NECAB2: variants seen among roughly 807,000 people sequenced by gnomAD.
NECAB2 encodes N-terminal EF-hand calcium binding protein 2.
A neutral mutation model predicts 51.9 loss-of-function variants in NECAB2; 68 were observed. The ratio of observed to expected loss-of-function variants is 1.31; its 90% CI spans 1.08 to 1.60. The LOEUF (loss-of-function observed/expected upper bound fraction) is 1.60. NECAB2 is among the 40% of genes most tolerant of loss of function. NECAB2 has a pLI of 0.00. For synonymous variants in NECAB2, 329 were observed against 203.5 expected (o/e 1.62, Z -5.25); for missense variants, 854 against 490.3 (o/e 1.74, Z -7.00).
At chr16:83,967,391 G>A (rs2084293113), upstream of NECAB2, among the ~76,000 whole-genome samples, 6 of 131,910 alleles carry the variant, frequency 4.5e-5, no homozygotes, top group South Asian at 5.1e-4. Flanking sequence ...GGATGGGTGG[G>A]TGGGTGGACA....
chr16:83,998,286 C>G lies in NECAB2; in HGVS notation c.931C>G (p.Arg311Gly). Reference sequence around the variant, plus strand: ...TCTGGACTCTCTGCGCCAGTATCTGCGGGGGACCACTGGCGTGAGGAACTG... The same window carrying G: ...TCTGGACTCTCTGCGCCAGTATCTGGGGGGGACCACTGGCGTGAGGAACTG... ...EFLDSLRQYL[R>G]GTTGVRNCFH... Residue 311 changes from arginine (R) to glycine (G), a missense_variant, in exon 10 of 13, where the codon CGG becomes GGG. Physicochemically the swap from Arg to Gly is moderately radical, Grantham distance 125. Coordinates refer to ENST00000305202, the MANE Select transcript of NECAB2 (RefSeq NM_019065.3). The G allele has an allele frequency of 1.9e-6, 3 of 1,613,436 alleles. No homozygotes were observed. Among genetic ancestry groups the G allele is most frequent in the Non-Finnish European group, 2.5e-6 (3 of 1,180,000 alleles).
chr16:83,994,189 G>A (rs1042155053), intron 6 of NECAB2, 113 bp from the exon 7 acceptor site: 165 of 936,128 alleles, frequency 1.8e-4, no homozygotes, highest in Non-Finnish European at 8.3e-5. Context: ...TGCAAGTTCT[G>A]TGCATGTGTG....
chr16:83,998,627 C>T (rs1333896459), intron 10 of NECAB2, among the ~76,000 whole-genome samples: 1 of 152,182 alleles, frequency 6.6e-6, no homozygotes, highest in African/African-American at 2.4e-5. Context: ...GTGTGAAGGG[C>T]TCCAGCTGGG....
intron 5 of NECAB2, among the ~76,000 whole-genome samples, chr16:83,986,014 T>C (rs1217202712): frequency 1.3e-5 from 2 of 152,186 alleles, no homozygotes; most frequent in Non-Finnish European, 2.9e-5. Flanking sequence ...TATTTTTTCT[T>C]GTTTCTTTTT....
intron 5 of NECAB2, among the ~76,000 whole-genome samples, chr16:83,981,383 G>A (rs1233422268): frequency 6.6e-6 from 1 of 151,058 alleles, no homozygotes; most frequent in Admixed American, 6.6e-5. Flanking sequence ...CTTAGAAAGG[G>A]TGGCCGCAAT....
In NECAB2 at chr16:84,002,264, A is replaced by G. The variant is rs1024112242; in HGVS notation, c.1133-54A>G. 1.9e-6 allele frequency: 3 copies of G among 1,596,230 alleles called. No individual in the cohort carries two copies. In the African/African-American group the frequency reaches 4.0e-5, roughly 22 times the overall value. Reference sequence around the variant, plus strand: ...TCATTCAAGACGACCACCACCAGCTACGAGGCTGCCCACATTCGCACTCCT... The same window carrying G: ...TCATTCAAGACGACCACCACCAGCTGCGAGGCTGCCCACATTCGCACTCCT... On this transcript the variant is annotated intron_variant, in intron 12 of 12. Coordinates refer to ENST00000305202, the MANE Select transcript of NECAB2 (RefSeq NM_019065.3).
chr16:83,996,838 G>A (rs182376386), intron 8 of NECAB2, among the ~76,000 whole-genome samples: 3 of 152,292 alleles, frequency 2.0e-5, no homozygotes, highest in East Asian at 1.9e-4. Flanking sequence ...CTAGCTTAGA[G>A]TCTGGGGAAG....
At chr16:83,984,587 G>C (rs1287631296) in intron 5 of NECAB2, among the ~76,000 whole-genome samples, 1 of 151,966 alleles carries the variant, frequency 6.6e-6, no homozygotes, top group Admixed American at 6.6e-5. Flanking sequence ...AAAATTAGCC[G>C]AGCATGGTGG....
chr16:83,993,619 G>GGT (rs1567674929), intron 6 of NECAB2: 3 of 133,258 alleles, frequency 2.3e-5, no homozygotes, highest in East Asian at 4.5e-4. Flanking sequence ...TGCAAGGTGA[G>GGT]CTGTGTGTGT....
At chr16:83,993,739 G>GGA (rs2084656427) in intron 6 of NECAB2, 2 of 161,374 alleles carry the variant, frequency 1.2e-5, no homozygotes, top group South Asian at 3.2e-4. Context: ...AGTATGCACA[G>GGA]GAGAGGGGTG....
At chr16:83,994,750 G>T in intron 8 of NECAB2, 62 bp downstream of exon 8, 5 of 1,578,910 alleles carry the variant, frequency 3.2e-6, no homozygotes, top group Non-Finnish European at 4.3e-6. Context: ...GCAGAGTTAA[G>T]CCTGGAGTTC....
At chr16:83,997,333 C>T in intron 9 of NECAB2, 64 bp downstream of exon 9, 3 of 1,603,350 alleles carry the variant, frequency 1.9e-6, no homozygotes, top group South Asian at 1.1e-5. Flanking sequence ...CTGCCAAGAT[C>T]CAAGTGGCTC....
At chr16:83,977,819 G>A (rs1006214098) in intron 2 of NECAB2, among the ~76,000 whole-genome samples, 2 of 152,216 alleles carry the variant, frequency 1.3e-5, no homozygotes, top group African/African-American at 4.8e-5. Context: ...GGGCGGAGAA[G>A]AAAGGGTTCT....
chr16:83,968,997 G>A, intron 1 of NECAB2, 148 bp downstream of exon 1: 1 of 356,866 alleles, frequency 2.8e-6, no homozygotes, highest in Non-Finnish European at 4.1e-6. Context: ...GCCGGAGCGG[G>A]AGCCCCCAGC....
chr16:83,981,429 C>T (rs113826238), intron 5 of NECAB2, among the ~76,000 whole-genome samples: 1,553 of 131,134 alleles, frequency 0.012, 23 homozygotes, highest in African/African-American at 0.041. Context: ...AGACAGGTGT[C>T]GTACCCTTCA....
At chr16:83,970,344 G>A (rs1430926369) in intron 1 of NECAB2, among the ~76,000 whole-genome samples, 1 of 152,156 alleles carries the variant, frequency 6.6e-6, no homozygotes, top group East Asian at 1.9e-4. Context: ...AGGGGGATCT[G>A]GGACACCCAG....
intron 5 of NECAB2, among the ~76,000 whole-genome samples, chr16:83,986,777 C>T (rs1309035743): frequency 2.0e-5 from 3 of 151,376 alleles, no homozygotes; most frequent in African/African-American, 7.3e-5. Context: ...CCCACCTTGG[C>T]TTGTCCAAGT....
chr16:83,987,843 A>G (rs539595235), intron 5 of NECAB2, among the ~76,000 whole-genome samples: 17 of 152,344 alleles, frequency 1.1e-4, no homozygotes, highest in African/African-American at 3.8e-4. Context: ...TGAGCAGTTT[A>G]TGGCACTTGA....
chr16:83,965,643 G>A, upstream of NECAB2: 1 of 1,613,382 alleles, frequency 6.2e-7, no homozygotes, highest in Non-Finnish European at 8.5e-7. Flanking sequence ...CCCTATGAGG[G>A]TTACCGCAGC....
Sources: gnomAD v4.1 joint callset for allele counts (sites outside exome capture counted in the v4.1 genomes callset) on GRCh38, gnomAD v4.1.1 for gene constraint, MANE v1.5 for transcripts, NCBI Gene and HGNC (gene_info 2026-07-23, HGNC 2026-07-21) for gene names.